NTNG1: variants seen among roughly 807,000 people sequenced by gnomAD.
NTNG1 encodes the protein netrin-G1.
A neutral mutation model predicts 54.0 loss-of-function variants in NTNG1; 16 were observed. That is an observed-to-expected ratio of 0.30 (90% CI 0.20 to 0.45). The LOEUF (loss-of-function observed/expected upper bound fraction) is 0.45. NTNG1 is among the 20% of genes least tolerant of loss of function. NTNG1 has a pLI of 1.00. For missense variants in NTNG1, 530 were observed against 678.7 expected (o/e 0.78, Z 2.43); for synonymous variants, 255 against 263.1 (o/e 0.97, Z 0.30).
intron 2 of NTNG1, among the ~76,000 whole-genome samples, chr1:107,236,258 A>C (rs963082766): frequency 6.6e-6 from 1 of 152,190 alleles, no homozygotes; most frequent in Non-Finnish European, 1.5e-5. Flanking sequence ...TGAAATACTT[A>C]AAGTGTTGAA....
At chr1:107,461,344 C>G (rs757185306) in intron 7 of NTNG1, among the ~76,000 whole-genome samples, 3 of 151,968 alleles carry the variant, frequency 2.0e-5, no homozygotes, top group African/African-American at 4.8e-5. Context: ...GTGTTCCAGG[C>G]GGAGGAGACA....
intron 3 of NTNG1, among the ~76,000 whole-genome samples, chr1:107,377,202 C>G (rs984109974): frequency 6.6e-6 from 1 of 152,286 alleles, no homozygotes; most frequent in African/African-American, 2.4e-5. Flanking sequence ...GCACTGAATA[C>G]TAAACTGAGA....
intron 2 of NTNG1, among the ~76,000 whole-genome samples, chr1:107,281,114 G>A (rs1352314386): frequency 6.6e-6 from 1 of 151,896 alleles, no homozygotes; most frequent in African/African-American, 2.4e-5. Flanking sequence ...AGCACATTCT[G>A]GTGACTGCAT....
At chr1:107,405,811 G>C (rs1249573099) in intron 4 of NTNG1, among the ~76,000 whole-genome samples, 2 of 152,010 alleles carry the variant, frequency 1.3e-5, no homozygotes, top group Non-Finnish European at 2.9e-5. Flanking sequence ...TGGAACTTCT[G>C]CAATTGATAC....
At chr1:107,370,312 T>C (rs533368562) in intron 3 of NTNG1, among the ~76,000 whole-genome samples, 6 of 151,836 alleles carry the variant, frequency 4.0e-5, no homozygotes, top group Non-Finnish European at 8.8e-5. Context: ...GTTGAATCCA[T>C]TGATAAGTTT....
intron 3 of NTNG1, among the ~76,000 whole-genome samples, chr1:107,388,043 T>G (rs1459867259): frequency 6.6e-6 from 1 of 152,226 alleles, no homozygotes; most frequent in Non-Finnish European, 1.5e-5. Context: ...ATTCTGTGTA[T>G]GTTTCATCTT....
Position 107,181,696 on chromosome 1 carries a change from CGCT to C in NTNG1, c.246+32858_246+32860del, listed in dbSNP as rs1301789494. Among the ~76,000 whole-genome samples the C allele has an allele frequency of 3.9e-5, 6 of 152,196 alleles. No homozygotes were observed. In the East Asian group the frequency reaches 1.2e-3, roughly 29 times the overall value. ...GTCAGCTCCCTCCCTTGCTGTACTG[CGCT>C]TCTTAATGTCCTTGCTGTCTGCACT... is the stretch of plus-strand genomic sequence containing the variant. On this transcript the variant is annotated intron_variant, in intron 2 of 7. Coordinates refer to ENST00000370068, the MANE Select transcript of NTNG1 (RefSeq NM_001113226.3).
intron 2 of NTNG1, among the ~76,000 whole-genome samples, chr1:107,258,123 T>C (rs985322934): frequency 1.3e-5 from 2 of 152,120 alleles, no homozygotes; most frequent in Non-Finnish European, 2.9e-5. Flanking sequence ...CCTGTGTAGA[T>C]AGGATCATCT....
intron 2 of NTNG1, among the ~76,000 whole-genome samples, chr1:107,291,376 A>T (rs891373231): frequency 2.6e-4 from 39 of 152,138 alleles, no homozygotes; most frequent in African/African-American, 9.2e-4. Context: ...GGCTATTACT[A>T]GTTTAGTTTT....
chr1:107,434,790 T>C (rs1485661065), intron 6 of NTNG1, among the ~76,000 whole-genome samples: 5 of 152,158 alleles, frequency 3.3e-5, no homozygotes, highest in Non-Finnish European at 4.4e-5. Context: ...TTTCATGGAA[T>C]AAAATATGAT....
At chr1:107,374,693 T>C (rs1671124419) in intron 3 of NTNG1, among the ~76,000 whole-genome samples, 1 of 152,148 alleles carries the variant, frequency 6.6e-6, no homozygotes, top group African/African-American at 2.4e-5. Flanking sequence ...TATGTGTCAG[T>C]TTGGAGTTGA....
intron 2 of NTNG1, among the ~76,000 whole-genome samples, chr1:107,231,083 A>T (rs1661033840): frequency 6.6e-6 from 1 of 152,190 alleles, no homozygotes; most frequent in Non-Finnish European, 1.5e-5. Flanking sequence ...CTTGACTGAG[A>T]GTCTCTGTTT....
At chr1:107,376,701 G>T (rs1671285952) in intron 3 of NTNG1, among the ~76,000 whole-genome samples, 1 of 152,014 alleles carries the variant, frequency 6.6e-6, no homozygotes. Flanking sequence ...CTTTTAATTT[G>T]TATGACATGG....
chr1:107,270,617 C>A (rs1557858985), intron 2 of NTNG1, among the ~76,000 whole-genome samples: 1 of 152,030 alleles, frequency 6.6e-6, no homozygotes, highest in Non-Finnish European at 1.5e-5. Flanking sequence ...TAATTTGGAG[C>A]TGGATATATT....
At chr1:107,411,804 A>G (rs754457868) in intron 5 of NTNG1, among the ~76,000 whole-genome samples, 58 of 152,222 alleles carry the variant, frequency 3.8e-4, no homozygotes, top group Non-Finnish European at 7.9e-4. Flanking sequence ...CTTTGGGACT[A>G]TCATGTACCC....
intron 4 of NTNG1, chr1:107,403,717 A>AC (rs1673208476): frequency 6.5e-6 from 1 of 154,084 alleles, no homozygotes; most frequent in South Asian, 2.0e-4. Flanking sequence ...AAAAAAAAAA[A>AC]ACCTCATGCA....
intron 2 of NTNG1, among the ~76,000 whole-genome samples, chr1:107,186,012 C>G (rs1422236919): frequency 6.6e-6 from 1 of 152,066 alleles, no homozygotes; most frequent in Non-Finnish European, 1.5e-5. Context: ...TTTTGCATCC[C>G]TCGCCCTCAC....
intron 7 of NTNG1, among the ~76,000 whole-genome samples, chr1:107,468,355 T>TA (rs534582127): frequency 2.0e-5 from 3 of 152,252 alleles, no homozygotes; most frequent in East Asian, 1.9e-4. Flanking sequence ...TTCTGCCTTT[T>TA]AAAAAAACGC....
intron 2 of NTNG1, among the ~76,000 whole-genome samples, chr1:107,226,756 G>A (rs1293825132): frequency 6.6e-6 from 1 of 152,124 alleles, no homozygotes; most frequent in Non-Finnish European, 1.5e-5. Flanking sequence ...CATGTACAGA[G>A]TCTCACCAGA....
Sources: gnomAD v4.1 joint callset for allele counts (sites outside exome capture counted in the v4.1 genomes callset) on GRCh38, gnomAD v4.1.1 for gene constraint, MANE v1.5 for transcripts, NCBI Gene and HGNC (gene_info 2026-07-23, HGNC 2026-07-21) for gene names.